Variants in NPEPL1 observed in about 807,000 individuals in gnomAD.
The protein encoded by NPEPL1 is aminopeptidase like 1.
A neutral mutation model predicts 52.4 loss-of-function variants in NPEPL1; 45 were observed. The observed-to-expected ratio is 0.86, with a 90% CI of 0.68 to 1.10. The LOEUF (loss-of-function observed/expected upper bound fraction) is 1.10, where lower values mean the gene tolerates loss of function less well. Ranked by LOEUF, NPEPL1 falls within the 50% of genes least tolerant of loss-of-function variation. The probability of loss-of-function intolerance (pLI) is 0.00; values close to 1 mark genes in which losing one functional copy is unlikely to be tolerated. For synonymous variants in NPEPL1, 360 were observed against 314.7 expected (o/e 1.14, Z -1.52); for missense variants, 696 against 710.9 (o/e 0.98, Z 0.24).
upstream of NPEPL1, chr20:58,691,007 A>C (rs1163821445): frequency 1.5e-6 from 1 of 683,504 alleles, no homozygotes. Flanking sequence ...CCTGCTGGAC[A>C]TATTCTGCGT....
At chr20:58,699,836 G>C (rs1439099474) in intron 5 of NPEPL1, among the ~76,000 whole-genome samples, 2 of 152,242 alleles carry the variant, frequency 1.3e-5, no homozygotes, top group African/African-American at 4.8e-5. Flanking sequence ...GCAAGAGGAA[G>C]GCGGCTGTCT....
chr20:58,703,872 GA>G, intron 6 of NPEPL1: 2 of 985,126 alleles, frequency 2.0e-6, no homozygotes, highest in Non-Finnish European at 2.4e-6. Flanking sequence ...ATCACCTTCT[GA>G]AAATGCGACT....
upstream of NPEPL1, chr20:58,690,939 C>T: frequency 3.7e-6 from 2 of 545,602 alleles, no homozygotes; most frequent in Non-Finnish European, 6.6e-6. Flanking sequence ...CCCAGTCGAT[C>T]TCCTCACCCA....
chr20:58,693,979 G>C lies in NPEPL1; in HGVS notation c.336+57G>C, dbSNP rs375032488. ...CTCCTAGTCGGGCAGCGGTGAGCTC[G>C]GGCCTGGGGAGCTCACAGCCCTGCT... On this transcript the variant is annotated intron_variant, in intron 2 of 11. Coordinates refer to ENST00000356091, the MANE Select transcript of NPEPL1 (RefSeq NM_024663.4). 404 of 1,472,530 alleles carry C rather than the reference G, an allele frequency of 2.7e-4. No homozygotes were observed. In the African/African-American group the frequency reaches 5.2e-3, roughly 19 times the overall value. 91.2% of individuals were successfully genotyped at this position (1,472,530 alleles called of 1,614,324 possible).
chr20:58,692,306 T>A (rs781236239), upstream of NPEPL1: 48 of 163,588 alleles, frequency 2.9e-4, no homozygotes, highest in Middle Eastern at 6.1e-3. The surrounding 1 kb of genome is among the most constrained non-coding windows in gnomAD (Gnocchi z 5.7). Context: ...GTCCACGCTG[T>A]ACCCACCATG....
rs114155659 is a variant in NPEPL1, at chr20:58,697,096, T to G, written c.508-1588T>G. Among the ~76,000 whole-genome samples, 1,022 of 152,338 alleles carry G rather than the reference T, an allele frequency of 6.7e-3. 14 individuals are homozygous for G. The highest frequency in any genetic ancestry group is 0.023 in the African/African-American group (948 of 41,570). On this transcript the variant is annotated intron_variant, in intron 3 of 11. Coordinates refer to ENST00000356091, the MANE Select transcript of NPEPL1 (RefSeq NM_024663.4). ...AGGGACTGGGACTGTGTACTGTGAG[T>G]CTCTGCTGAGCTTGACTCCCTTGGA...
In NPEPL1 at chr20:58,700,366, C is replaced by G. The variant is rs141153308; in HGVS notation, c.680-650C>G. On this transcript the variant is annotated intron_variant, in intron 5 of 11. Coordinates refer to ENST00000356091, the MANE Select transcript of NPEPL1 (RefSeq NM_024663.4). Reference sequence around the variant, plus strand: ...TGTCTACCTAGACAGGAGCCATTTACAAGTGGAGGGAGAGGCCGCTTGTGT... The same window carrying G: ...TGTCTACCTAGACAGGAGCCATTTAGAAGTGGAGGGAGAGGCCGCTTGTGT... 2.6e-5 allele frequency among the ~76,000 whole-genome samples: 4 copies of G among 152,324 alleles called. No homozygotes were observed. In the East Asian group the frequency reaches 7.7e-4, roughly 29 times the overall value.
chr20:58,696,925 A>C (rs948035608), intron 3 of NPEPL1, among the ~76,000 whole-genome samples: 2 of 152,200 alleles, frequency 1.3e-5, no homozygotes, highest in Non-Finnish European at 2.9e-5. Flanking sequence ...GCCACCACTC[A>C]GCCCTCTTGG....
chr20:58,698,674 T>C lies in NPEPL1; in HGVS notation c.508-10T>C. ...CACCTGGTCCCCAGTGATGGCCTTT[T>C]TCTCCCTAGTGCTTAGCGAATGCCA... On this transcript the variant is annotated splice_polypyrimidine_tract_variant and intron_variant, in intron 3 of 11. Coordinates refer to ENST00000356091, the MANE Select transcript of NPEPL1 (RefSeq NM_024663.4). 6.2e-7 allele frequency: 1 copy of C among 1,611,586 alleles called. No homozygotes were observed. Among genetic ancestry groups the C allele is most frequent in the East Asian group, 2.2e-5 (1 of 44,868 alleles).
At chr20:58,693,163 A>C in intron 1 of NPEPL1, 113 bp downstream of exon 1, 2 of 744,174 alleles carry the variant, frequency 2.7e-6, no homozygotes, top group Non-Finnish European at 3.3e-6. Flanking sequence ...GCCGGGCCCA[A>C]CGAGGCCGGG....
chr20:58,695,115 T>TGAG (rs2084448405), intron 3 of NPEPL1, among the ~76,000 whole-genome samples: 1 of 5,340 alleles, frequency 1.9e-4, no homozygotes, highest in Non-Finnish European at 4.1e-4. Context: ...GTGTGTGTGT[T>TGAG]TGCTGGTGTG....
rs748891279 is a variant in NPEPL1 at position 58,692,874 on chromosome 20, A to T, written c.-27A>T. On this transcript the variant is annotated 5_prime_UTR_variant, in exon 1 of 12. Coordinates refer to ENST00000356091, the MANE Select transcript of NPEPL1 (RefSeq NM_024663.4). The surrounding 1 kb of genome is among the most constrained non-coding windows in gnomAD (Gnocchi z 5.7). ...AGCGGCGGGCCGGGCCGGGCCGGGC[A>T]GGGCCGGGGCGTGGGCCGGCAGGAA... 1 of 1,010,854 alleles carries T rather than the reference A, an allele frequency of 9.9e-7. No individual in the cohort carries two copies. Among genetic ancestry groups the T allele is most frequent in the Non-Finnish European group, 1.2e-6 (1 of 846,188 alleles). 62.6% of individuals were successfully genotyped at this position (1,010,854 alleles called of 1,614,324 possible). A position where few individuals can be genotyped will look rare whatever the true frequency, so the allele number is the denominator to read the frequency against.
At position 58,693,792 on chromosome 20, in the gene NPEPL1, T is replaced by A. The variant is rs753554271; in HGVS notation, c.206T>A (p.Leu69His). ...CCCAACCCCACGGACAGCTGTCCCC[T>A]CTACCTGAACTACGCCACCGTGGCT... is the stretch of plus-strand genomic sequence containing the variant. The part of the protein sequence containing the change: ...LNPNPTDSCP[L>H]YLNYATVAAL... Residue 69 changes from leucine (L) to histidine (H), a missense_variant, in exon 2 of 12, where the codon CTC becomes CAC. Leu to His is a moderately conservative substitution (Grantham distance 99). Coordinates refer to ENST00000356091, the MANE Select transcript of NPEPL1 (RefSeq NM_024663.4). 6.2e-7 allele frequency: 1 copy of A among 1,613,794 alleles called. No individual in the cohort carries two copies. Among genetic ancestry groups the A allele is most frequent in the South Asian group, 1.1e-5 (1 of 91,072 alleles).
intron 5 of NPEPL1, 138 bp downstream of exon 5, chr20:58,699,416 G>A (rs879593796): frequency 5.7e-6 from 4 of 696,900 alleles, no homozygotes; most frequent in Non-Finnish European, 9.4e-6. Flanking sequence ...ATCAGCCTGT[G>A]TCCAAGCCCA....
At chr20:58,692,795 C>CGGGCAGGGCCG (rs1445701297), upstream of NPEPL1, 19 of 970,594 alleles carry the variant, frequency 2.0e-5, no homozygotes, top group Non-Finnish European at 2.3e-5. This position sits in a 1 kb window ranked among gnomAD's most constrained non-coding sequence, Gnocchi z 5.7. Flanking sequence ...CGCGGGCTGC[C>CGGGCAGGGCCG]GGGCAGGGCC....
In NPEPL1 at chr20:58,693,876, G is replaced by A. The variant is rs2084405480; in HGVS notation, c.290G>A (p.Arg97Gln). 1 of 1,613,046 alleles carries A rather than the reference G, an allele frequency of 6.2e-7. No individual in the cohort carries two copies. Among genetic ancestry groups the A allele is most frequent in the Non-Finnish European group, 8.5e-7 (1 of 1,179,542 alleles). The change falls in exon 2 of 12, where the codon CGG becomes CAG. Residue 97 changes from arginine (R) to glutamine (Q), a missense_variant. Physicochemically the swap from Arg to Gln is conservative, Grantham distance 43. Coordinates refer to ENST00000356091, the MANE Select transcript of NPEPL1 (RefSeq NM_024663.4). ...NSPSAAHFIT[R>Q]LVRTCLPPGA... is the part of the protein sequence containing the mutation. ...CCCTCGGCCGCCCACTTCATCACGC[G>A]GCTGGTGCGGACCTGCCTGCCGCCC...
chr20:58,713,876 G>A lies in NPEPL1; in HGVS notation c.1126-41G>A, dbSNP rs2084904474. 4 of 1,420,194 alleles carry A rather than the reference G, an allele frequency of 2.8e-6. No homozygotes were observed. The highest frequency in any genetic ancestry group is 3.2e-5 in the Admixed American group (1 of 30,840). 88.0% of individuals were successfully genotyped at this position (1,420,194 alleles called of 1,614,324 possible). ...CTTTTGCCTTGGGTGTTTCTCTCCT[G>A]CCGTCCCGTCCACACGCTTCCCGGG... On this transcript the variant is annotated intron_variant, in intron 9 of 11. Transcript: ENST00000356091. This position sits in a 1 kb window ranked among gnomAD's most constrained non-coding sequence, Gnocchi z 4.6.
chr20:58,705,532 T>C (rs1464910416), intron 6 of NPEPL1: 3 of 456,182 alleles, frequency 6.6e-6, no homozygotes, highest in African/African-American at 6.0e-5. Flanking sequence ...CTCCCGGACC[T>C]CTTTGGGACT....
At chr20:58,697,882 GCC>G (rs2084524672) in intron 3 of NPEPL1, among the ~76,000 whole-genome samples, 1 of 152,230 alleles carries the variant, frequency 6.6e-6, no homozygotes, top group Non-Finnish European at 1.5e-5. Context: ...TGGTGCATGT[GCC>G]CCTCTCTGCC....
Sources: allele counts gnomAD v4.1 joint callset (sites outside exome capture counted in the v4.1 genomes callset), GRCh38; gene constraint gnomAD v4.1.1; non-coding constraint Gnocchi (gnomAD v3.1); transcripts MANE v1.5; gene names NCBI Gene and HGNC (gene_info 2026-07-23, HGNC 2026-07-21).